The following ASZ1 variants were observed in gnomAD, a reference collection of about 807,000 sequenced individuals.
The protein encoded by ASZ1 is ankyrin repeat, SAM and basic leucine zipper domain-containing protein 1.
In ASZ1, 67 loss-of-function variants were observed where a neutral mutation model predicts 61.8. The ratio of observed to expected loss-of-function variants is 1.08; its 90% confidence interval spans 0.89 to 1.33. The LOEUF is 1.33. Ranked by LOEUF, ASZ1 falls within the 40% of genes most tolerant of loss-of-function variation. ASZ1 has a pLI of 0.00. For synonymous variants in ASZ1, 193 were observed against 192.7 expected, an observed-to-expected ratio of 1.00 and a Z score of -0.01; for missense variants, 577 against 554.5, an observed-to-expected ratio of 1.04 and a Z score of -0.41.
intron 4 of ASZ1, among the ~76,000 whole-genome samples, chr7:117,391,300 T>G (rs1290828822): frequency 6.6e-6 from 1 of 152,206 alleles, no homozygotes; most frequent in African/African-American, 2.4e-5. Context: ...AAGAAGCTCT[T>G]TAGTTTAATT....
Position 117,385,736 on chromosome 7 carries a change from C to T in ASZ1, c.514G>A (p.Gly172Arg). ...TCATCCTGGGTATTAACTTCTGCTC[C>T]ATGAGCAACAAGGAGAGCAACAACC... is the stretch of plus-strand genomic sequence containing the variant. ...TQVVALLVAH[G>R]AEVNTQDENG... is the part of the protein sequence containing the mutation. Residue 172 changes from glycine (G) to arginine (R), a missense_variant, in exon 5 of 13, where the codon GGA (glycine) becomes AGA (arginine). By Grantham distance (125) the Gly-to-Arg change is moderately radical. Coordinates refer to ENST00000284629, the MANE Select transcript of ASZ1 (RefSeq NM_130768.3). 6.2e-7 allele frequency: 1 copy of T among 1,613,180 alleles called. No individual in the cohort carries two copies. The highest frequency in any genetic ancestry group is 8.5e-7 in the Non-Finnish European group (1 of 1,179,316).
chr7:117,385,842 T>C, intron 4 of ASZ1, 33 bp from the exon 5 acceptor site: 2 of 1,492,672 alleles, frequency 1.3e-6, no homozygotes, highest in Non-Finnish European at 1.9e-6. Context: ...ACATTTGTGT[T>C]AATGCTGCCA....
chr7:117,388,087 T>C (rs1334327406), intron 4 of ASZ1, among the ~76,000 whole-genome samples: 1 of 152,166 alleles, frequency 6.6e-6, no homozygotes, highest in Non-Finnish European at 1.5e-5. Context: ...ATACACAAGC[T>C]ACCACAGCTC....
At chr7:117,426,966 G>T in intron 1 of ASZ1, 31 bp from the exon 2 acceptor site, 1 of 1,557,960 alleles carries the variant, frequency 6.4e-7, no homozygotes, top group Non-Finnish European at 8.7e-7. Context: ...AAAAATTCTT[G>T]TTATATATAT....
intron 10 of ASZ1, among the ~76,000 whole-genome samples, chr7:117,379,133 TTATATATA>T (rs370500034): frequency 2.9e-5 from 3 of 104,694 alleles, no homozygotes; most frequent in Admixed American, 2.1e-4. Context: ...TGTGATAAAA[TTATATATA>T]TATATATATA....
At chr7:117,392,812 T>G (rs992481983) in intron 4 of ASZ1, among the ~76,000 whole-genome samples, 14 of 152,272 alleles carry the variant, frequency 9.2e-5, no homozygotes, top group African/African-American at 3.1e-4. Context: ...TCTATTTTAA[T>G]TAATCCAGAA....
At chr7:117,425,954 C>G (rs1463882235) in intron 2 of ASZ1, among the ~76,000 whole-genome samples, 1 of 152,012 alleles carries the variant, frequency 6.6e-6, no homozygotes, top group Non-Finnish European at 1.5e-5. Context: ...AAGATGGTGC[C>G]ACTGCACTCC....
At chr7:117,418,779 T>G (rs1430319288) in intron 4 of ASZ1, among the ~76,000 whole-genome samples, 4 of 152,010 alleles carry the variant, frequency 2.6e-5, no homozygotes, top group South Asian at 2.1e-4. Context: ...CTGGGCAACA[T>G]AGTGAAACCC....
chr7:117,402,191 AC>A (rs1231553889), intron 4 of ASZ1, among the ~76,000 whole-genome samples: 2 of 152,222 alleles, frequency 1.3e-5, no homozygotes, highest in African/African-American at 4.8e-5. Context: ...CAAACAGGTG[AC>A]AGGGCTGAGC....
At chr7:117,389,101 A>G (rs1796414936) in intron 4 of ASZ1, among the ~76,000 whole-genome samples, 1 of 152,204 alleles carries the variant, frequency 6.6e-6, no homozygotes, top group Non-Finnish European at 1.5e-5. Context: ...GCATATATAA[A>G]TACAGGGTGA....
At position 117,382,757 on chromosome 7, in the gene ASZ1, G is replaced by C. The variant is rs1044364910; in HGVS notation, c.812+229C>G. Among the ~76,000 whole-genome samples, 4 of 151,850 alleles carry C rather than the reference G, an allele frequency of 2.6e-5. No individual in the cohort carries two copies. In the South Asian group the frequency reaches 8.3e-4, roughly 32 times the overall value. The stretch of plus-strand genomic sequence containing the variant: ...CCTTTTAAAAATAGATTTTATTGTT[G>C]ATATCTTACTTAAAGTTTACATTTA... On this transcript the variant is annotated intron_variant, in intron 7 of 12. Transcript: ENST00000284629.
intron 4 of ASZ1, among the ~76,000 whole-genome samples, chr7:117,409,180 T>C (rs183005576): frequency 6.6e-6 from 1 of 152,134 alleles, no homozygotes; most frequent in African/African-American, 2.4e-5. Context: ...CAAAGGGTCC[T>C]TTAACCACAT....
At position 117,370,285 on chromosome 7, in the gene ASZ1, G is replaced by A. The variant is rs142992407; in HGVS notation, c.1056-1568C>T. On this transcript the variant is annotated intron_variant, in intron 10 of 12. Transcript: ENST00000284629. ...TGTCTCCAACAGAAATCAAAACTAT[G>A]ATCATAAAGAAGACCACAGGACATA... 3.9e-3 allele frequency among the ~76,000 whole-genome samples: 598 copies of A among 152,246 alleles called. 5 individuals carry two copies. The highest frequency in any genetic ancestry group is 0.013 in the African/African-American group (560 of 41,550).
At chr7:117,365,225 T>C (rs893475540) in intron 12 of ASZ1, among the ~76,000 whole-genome samples, 1 of 152,208 alleles carries the variant, frequency 6.6e-6, no homozygotes, top group Non-Finnish European at 1.5e-5. Flanking sequence ...TTTGCCATTA[T>C]TATAAACTAA....
chr7:117,376,038 GA>G (rs564050952), intron 10 of ASZ1, among the ~76,000 whole-genome samples: 2 of 151,288 alleles, frequency 1.3e-5, no homozygotes, highest in Admixed American at 6.6e-5. Flanking sequence ...CAGGTTCTTT[GA>G]AAAAAAATGC....
At chr7:117,402,516 G>A (rs529308264) in intron 4 of ASZ1, among the ~76,000 whole-genome samples, 1 of 152,206 alleles carries the variant, frequency 6.6e-6, no homozygotes, top group African/African-American at 2.4e-5. Context: ...CAGGGTAACT[G>A]GCTATGTCCA....
Position 117,422,321 on chromosome 7 carries a change from G to T in ASZ1, c.244C>A (p.Pro82Thr), listed in dbSNP as rs1797114016. 2 of 1,612,784 alleles carry T rather than the reference G, an allele frequency of 1.2e-6. No individual in the cohort carries two copies. Among genetic ancestry groups the T allele is most frequent in the Admixed American group, 1.7e-5 (1 of 59,918 alleles). ...VDSNFQYGWT[P>T]LMYAASVANA... The stretch of plus-strand genomic sequence containing the variant: ...GCAACACTAGCAGCATACATAAGGG[G>T]AGTCCATCCATACTGAAAGTTGGAA... Residue 82 changes from proline to threonine, a missense_variant, in exon 3 of 13, where the codon CCC becomes ACC. Physicochemically the swap from Pro to Thr is conservative, Grantham distance 38. Coordinates refer to ENST00000284629, the MANE Select transcript of ASZ1 (RefSeq NM_130768.3).
chr7:117,370,609 C>CA (rs942343522), intron 10 of ASZ1, among the ~76,000 whole-genome samples: 3 of 151,934 alleles, frequency 2.0e-5, no homozygotes, highest in African/African-American at 7.3e-5. Context: ...AAGAAAGAAA[C>CA]AAAATTTGAA....
intron 7 of ASZ1, 32 bp from the exon 8 acceptor site, chr7:117,382,176 AAC>A: frequency 7.8e-7 from 1 of 1,283,498 alleles, no homozygotes; most frequent in Non-Finnish European, 1.1e-6. Flanking sequence ...TCAATTTCAG[AAC>A]AGATTATAAA....
Sources: allele counts gnomAD v4.1 joint callset (sites outside exome capture counted in the v4.1 genomes callset), GRCh38; gene constraint gnomAD v4.1.1; transcripts MANE v1.5; gene names NCBI Gene and HGNC (gene_info 2026-07-23, HGNC 2026-07-21).